MAMDC2: variants seen among roughly 807,000 people sequenced by gnomAD.
The protein encoded by MAMDC2 is MAM domain containing 2.
Under a neutral mutation model 89.8 loss-of-function variants are expected in MAMDC2, and 57 were observed. That is an observed-to-expected ratio of 0.63 (90% CI 0.51 to 0.79). MAMDC2 has a LOEUF of 0.79. Among genes scored for constraint, MAMDC2 ranks in the 30% least tolerant of loss-of-function variants. The probability of loss-of-function intolerance (pLI) is 0.00; values close to 1 mark genes in which losing one functional copy is unlikely to be tolerated. For missense variants in MAMDC2, 800 were observed against 820.6 expected, an observed-to-expected ratio of 0.97 and a Z score of 0.31; for synonymous variants, 313 against 293.4, an observed-to-expected ratio of 1.07 and a Z score of -0.68.
At chr9:70,102,517 A>G (rs1250604432) in intron 2 of MAMDC2, among the ~76,000 whole-genome samples, 1 of 152,184 alleles carries the variant, frequency 6.6e-6, no homozygotes, top group Non-Finnish European at 1.5e-5. Flanking sequence ...AGATGTGTCC[A>G]GCGATTGAAC....
chr9:70,091,155 A>G (rs547860127), intron 2 of MAMDC2, among the ~76,000 whole-genome samples: 3 of 152,306 alleles, frequency 2.0e-5, no homozygotes, highest in Admixed American at 6.5e-5. Flanking sequence ...TCAGTTTCTT[A>G]TATCTTTGAA....
intron 2 of MAMDC2, chr9:70,092,137 C>G (rs1318147525): frequency 6.6e-6 from 1 of 152,142 alleles, no homozygotes; most frequent in Non-Finnish European, 1.5e-5. Context: ...TAGACAAAAA[C>G]CTGCCATCAA....
chr9:70,137,494 T>C (rs1212585716), intron 7 of MAMDC2, among the ~76,000 whole-genome samples: 1 of 152,166 alleles, frequency 6.6e-6, no homozygotes, highest in Non-Finnish European at 1.5e-5. Flanking sequence ...TTTATAGATA[T>C]GTGTTCTTCT....
intron 11 of MAMDC2, among the ~76,000 whole-genome samples, chr9:70,186,378 TGTCTTTTTCC>T (rs1354786010): frequency 6.6e-6 from 1 of 152,152 alleles, no homozygotes; most frequent in Non-Finnish European, 1.5e-5. Flanking sequence ...TGTCTGGGAA[TGTCTTTTTCC>T]TTTACATTTG....
chr9:70,056,010 T>G (rs2118006193), intron 2 of MAMDC2, among the ~76,000 whole-genome samples: 1 of 152,362 alleles, frequency 6.6e-6, no homozygotes, highest in African/African-American at 2.4e-5. Context: ...GATATATAAC[T>G]TTGCTAGATG....
intron 11 of MAMDC2, among the ~76,000 whole-genome samples, chr9:70,197,157 C>G (rs190086067): frequency 3.3e-5 from 5 of 152,206 alleles, no homozygotes; most frequent in African/African-American, 1.2e-4. Flanking sequence ...CACATTTGAT[C>G]AGCAATTGAT....
intron 5 of MAMDC2, among the ~76,000 whole-genome samples, chr9:70,121,717 G>GAAAAAAAAAA (rs11342785): frequency 7.0e-6 from 1 of 143,470 alleles, no homozygotes; most frequent in Non-Finnish European, 1.5e-5. Context: ...TCTGACAAAG[G>GAAAAAAAAAA]AAAAAAAAAA....
intron 2 of MAMDC2, among the ~76,000 whole-genome samples, chr9:70,102,378 C>T (rs1049160191): frequency 1.3e-5 from 2 of 152,142 alleles, no homozygotes; most frequent in East Asian, 3.9e-4. Context: ...AACAGAATTC[C>T]ATGGGTGCCA....
At chr9:70,204,433 G>T (rs1299683120) in intron 11 of MAMDC2, among the ~76,000 whole-genome samples, 1 of 151,052 alleles carries the variant, frequency 6.6e-6, no homozygotes, top group East Asian at 2.0e-4. Context: ...CCAGCTGCGT[G>T]CTGGGAGAAC....
At chr9:70,211,563 G>T (rs1488660606) in intron 11 of MAMDC2, among the ~76,000 whole-genome samples, 2 of 152,100 alleles carry the variant, frequency 1.3e-5, no homozygotes, top group Non-Finnish European at 2.9e-5. Flanking sequence ...TCTTTGTGAT[G>T]GGTTCAAACA....
At chr9:70,199,379 CTCA>C (rs1316726526) in intron 11 of MAMDC2, among the ~76,000 whole-genome samples, 2 of 147,470 alleles carry the variant, frequency 1.4e-5, no homozygotes, top group African/African-American at 5.0e-5. Flanking sequence ...AGGACATGAA[CTCA>C]TCATTTTTTA....
chr9:70,068,274 T>C (rs1037216718), intron 2 of MAMDC2, among the ~76,000 whole-genome samples: 7 of 152,196 alleles, frequency 4.6e-5, no homozygotes, highest in African/African-American at 1.7e-4. Flanking sequence ...TCACTCTGCA[T>C]CTAGAGTAGC....
intron 2 of MAMDC2, among the ~76,000 whole-genome samples, chr9:70,091,701 T>C (rs924533518): frequency 6.6e-6 from 1 of 152,180 alleles, no homozygotes; most frequent in East Asian, 1.9e-4. Context: ...AACTGTCCAA[T>C]TGTATCATGG....
chr9:70,215,957 C>T (rs937496188), intron 11 of MAMDC2, among the ~76,000 whole-genome samples: 1 of 152,118 alleles, frequency 6.6e-6, no homozygotes, highest in Non-Finnish European at 1.5e-5. Context: ...AGAAAGGCCT[C>T]CCAGGCACAT....
chr9:70,068,223 G>A (rs1357221895), intron 2 of MAMDC2, among the ~76,000 whole-genome samples: 2 of 152,170 alleles, frequency 1.3e-5, no homozygotes, highest in African/African-American at 2.4e-5. Context: ...TATTTTATGA[G>A]TATTCTGGGC....
chr9:70,193,908 G>C (rs745744624), intron 11 of MAMDC2: 1 of 152,004 alleles, frequency 6.6e-6, no homozygotes, highest in East Asian at 1.9e-4. Context: ...AAAATAAAGG[G>C]GAGAGGCCTA....
rs768406936 is a variant in MAMDC2 at position 70,126,410 on chromosome 9, A to T, written c.895A>T (p.Met299Leu). ...AEVEFSAPYP[M>L]EVIFEVAFNG... ...GGTCGAGTTCAGTGCTCCTTACCCC[A>T]TGGAGGTAGGTGTACTGGTGCGCAC... is the stretch of plus-strand genomic sequence containing the variant. The change falls in exon 6 of 14, where the codon ATG becomes TTG. Residue 299 changes from methionine (M) to leucine (L), a missense_variant. Met to Leu is a conservative substitution (Grantham distance 15). Transcript: ENST00000377182. The T allele has an allele frequency of 1.2e-5, 20 of 1,612,658 alleles. No individual in the cohort carries two copies. Among genetic ancestry groups the T allele is most frequent in the Non-Finnish European group, 1.7e-5 (20 of 1,179,538 alleles).
rs781570970 is a variant in MAMDC2 at position 70,225,951 on chromosome 9, T to C, written c.1997-17T>C. 1 of 1,547,072 alleles carries C rather than the reference T, an allele frequency of 6.5e-7. No homozygotes were observed. Among genetic ancestry groups the C allele is most frequent in the Non-Finnish European group, 8.8e-7 (1 of 1,131,656 alleles). On this transcript the variant is annotated splice_polypyrimidine_tract_variant and intron_variant, in intron 13 of 13. Transcript: ENST00000377182. ...ATAATAAAAATACTGTTATTGTATATTTGTCTTTCCTGACAGAAATGGAAG... is the reference window on the plus strand; with the variant it reads ...ATAATAAAAATACTGTTATTGTATACTTGTCTTTCCTGACAGAAATGGAAG...
At chr9:70,075,776 C>G (rs1257728799) in intron 2 of MAMDC2, among the ~76,000 whole-genome samples, 1 of 152,092 alleles carries the variant, frequency 6.6e-6, no homozygotes, top group East Asian at 1.9e-4. Context: ...TTATTGACAC[C>G]AGCAAAATAT....
Sources: allele counts gnomAD v4.1 joint callset (sites outside exome capture counted in the v4.1 genomes callset), GRCh38; gene constraint gnomAD v4.1.1; transcripts MANE v1.5; gene names NCBI Gene and HGNC (gene_info 2026-07-23, HGNC 2026-07-21).